TANC2: variants seen among roughly 807,000 people sequenced by gnomAD.
The protein encoded by TANC2 is protein TANC2.
TANC2 carries 26 observed loss-of-function variants against 210.5 expected under a neutral mutation model. The observed-to-expected ratio is 0.12, with a 90% CI of 0.09 to 0.17. TANC2 has a LOEUF of 0.17. TANC2 is among the 10% of genes least tolerant of loss of function. The pLI is 1.00. For synonymous variants in TANC2, 931 were observed against 967.1 expected (o/e 0.96, Z 0.69); for missense variants, 2,129 against 2,608.9 (o/e 0.82, Z 4.01).
intron 14 of TANC2, among the ~76,000 whole-genome samples, chr17:63,361,948 G>C (rs979207610): frequency 3.3e-5 from 5 of 152,234 alleles, no homozygotes; most frequent in Non-Finnish European, 7.3e-5. Context: ...CCTATGCACA[G>C]GCAGGTTGTC....
chr17:63,064,226 G>A (rs770234644), intron 2 of TANC2, among the ~76,000 whole-genome samples: 3 of 152,142 alleles, frequency 2.0e-5, no homozygotes, highest in Non-Finnish European at 4.4e-5. Flanking sequence ...AGGCTGAGGC[G>A]AAAGGATTGC....
chr17:62,998,920 A>G (rs2033244243), intron 1 of TANC2, among the ~76,000 whole-genome samples: 1 of 152,230 alleles, frequency 6.6e-6, no homozygotes, highest in Non-Finnish European at 1.5e-5. Context: ...ACACACATAG[A>G]GTCAAAGTAA....
intron 8 of TANC2, among the ~76,000 whole-genome samples, chr17:63,258,341 G>A (rs890200275): frequency 2.0e-5 from 3 of 152,062 alleles, no homozygotes; most frequent in Non-Finnish European, 4.4e-5. Context: ...GGTTAAATCT[G>A]CTTGGTGTTC....
In TANC2 at chr17:63,413,963, T is replaced by C. The variant is rs143995547; in HGVS notation, c.4020+329T>C. On this transcript the variant is annotated intron_variant, in intron 25 of 27. Coordinates refer to ENST00000689528, the Ensembl canonical transcript of TANC2. The stretch of plus-strand genomic sequence containing the variant: ...TCAAAGTAAAATTATGTAGTATAGC[T>C]ATTTCCAGTATGTTGATCCTAGCTT... 2.0e-5 allele frequency among the ~76,000 whole-genome samples: 3 copies of C among 152,338 alleles called. No homozygotes were observed. In the East Asian group the frequency reaches 5.8e-4, roughly 29 times the overall value.
At chr17:63,185,910 T>G (rs2040965611) in intron 5 of TANC2, among the ~76,000 whole-genome samples, 1 of 152,218 alleles carries the variant, frequency 6.6e-6, no homozygotes, top group African/African-American at 2.4e-5. Flanking sequence ...CTTAATGGTG[T>G]CTTTGGTGAA....
At position 63,412,007 on chromosome 17, in the gene TANC2, C is replaced by T. The variant is rs370683714; in HGVS notation, c.3775C>T (p.Leu1259=). ...TTGATCCGTGTCCTAGGTCCAGTTC[C>T]TGGTAGATCATGGGGCCATGATCGA... The change falls in exon 23 of 28, where the codon CTG becomes TTG. Residue 1259 remains leucine (L), a synonymous_variant. Transcript: ENST00000689528. This position sits in a 1 kb window ranked among gnomAD's most constrained non-coding sequence, Gnocchi z 4.2. 7.1e-5 allele frequency: 114 copies of T among 1,613,762 alleles called. No individual in the cohort carries two copies. The highest frequency in any genetic ancestry group is 8.9e-5 in the Non-Finnish European group (105 of 1,179,870).
intron 26 of TANC2, 66 bp downstream of exon 26, chr17:63,415,740 GC>G: frequency 6.4e-7 from 1 of 1,557,248 alleles, no homozygotes; most frequent in Non-Finnish European, 8.7e-7. Flanking sequence ...TCACTCACTA[GC>G]TTTTACCAGG....
At chr17:63,124,091 C>T (rs2038609083) in intron 4 of TANC2, among the ~76,000 whole-genome samples, 1 of 152,102 alleles carries the variant, frequency 6.6e-6, no homozygotes, top group Non-Finnish European at 1.5e-5. Context: ...CATGTTTACT[C>T]ATTTTGTCTT....
chr17:63,110,036 C>A (rs528280313), intron 4 of TANC2, among the ~76,000 whole-genome samples: 15 of 151,864 alleles, frequency 9.9e-5, no homozygotes, highest in African/African-American at 3.6e-4. Flanking sequence ...TCATCTTCTG[C>A]TCTAGTAACC....
intron 2 of TANC2, among the ~76,000 whole-genome samples, chr17:63,045,252 A>G (rs1320516000): frequency 6.6e-6 from 1 of 152,122 alleles, no homozygotes. Flanking sequence ...AGCCTAAAAT[A>G]TTTACTTTCT....
Position 63,412,778 on chromosome 17 carries a change from G to T in TANC2, c.3928+69G>T, listed in dbSNP as rs2048744373. On this transcript the variant is annotated intron_variant, in intron 24 of 27. Coordinates refer to ENST00000689528, the Ensembl canonical transcript of TANC2. The surrounding 1 kb of genome is among the most constrained non-coding windows in gnomAD (Gnocchi z 4.2). ...GGTCAGCTTTGCCTTCTCCTCTTTG[G>T]TTTAGCCTGCATGAGTTCCCTACAC... The T allele has an allele frequency of 6.6e-7, 1 of 1,521,114 alleles. No individual in the cohort carries two copies. The highest frequency in any genetic ancestry group is 8.8e-7 in the Non-Finnish European group (1 of 1,140,958). The allele number at this position is 1,521,114 out of a possible 1,614,324, so 94.2% of individuals were successfully genotyped here. A position where few individuals can be genotyped will look rare whatever the true frequency, so the allele number is the denominator to read the frequency against.
At chr17:63,006,824 G>T (rs751274131) in intron 1 of TANC2, among the ~76,000 whole-genome samples, 1 of 151,958 alleles carries the variant, frequency 6.6e-6, no homozygotes, top group African/African-American at 2.4e-5. Context: ...ATTGACAAAG[G>T]TGTGTTGGTC....
intron 18 of TANC2, 133 bp downstream of exon 18, chr17:63,396,061 AAGG>A (rs1349602802): frequency 4.9e-6 from 4 of 824,474 alleles, no homozygotes; most frequent in Non-Finnish European, 5.6e-6. Context: ...TCTGAATAAT[AAGG>A]AGATTAAACT....
intron 4 of TANC2, among the ~76,000 whole-genome samples, chr17:63,102,414 A>AT (rs200715516): frequency 0.014 from 2,050 of 144,610 alleles, 52 homozygotes; most frequent in African/African-American, 0.047. Context: ...TGATTGCAGG[A>AT]TTTTTTTTTT....
chr17:62,988,222 G>A (rs571087608), intron 1 of TANC2, among the ~76,000 whole-genome samples: 1 of 151,788 alleles, frequency 6.6e-6, no homozygotes, highest in Non-Finnish European at 1.5e-5. Flanking sequence ...CTGCCTCCTA[G>A]GTTCAAGCGA....
intron 14 of TANC2, among the ~76,000 whole-genome samples, chr17:63,371,669 A>G (rs1302392527): frequency 1.3e-5 from 2 of 152,220 alleles, no homozygotes; most frequent in Admixed American, 6.5e-5. Flanking sequence ...CTTTAAGACT[A>G]GCTATCTCCT....
At chr17:63,018,543 T>C (rs1422249604) in intron 2 of TANC2, among the ~76,000 whole-genome samples, 1 of 151,372 alleles carries the variant, frequency 6.6e-6, no homozygotes, top group Non-Finnish European at 1.5e-5. Flanking sequence ...AGGAATAATA[T>C]AGAGAGATCT....
At chr17:63,353,858 T>A (rs923465319) in intron 13 of TANC2, among the ~76,000 whole-genome samples, 1 of 152,074 alleles carries the variant, frequency 6.6e-6, no homozygotes, top group African/African-American at 2.4e-5. Context: ...AACTTTATTA[T>A]CGGATTTGGC....
chr17:63,288,674 C>T (rs2146401364), intron 9 of TANC2, among the ~76,000 whole-genome samples: 1 of 151,700 alleles, frequency 6.6e-6, no homozygotes. Flanking sequence ...GAGAATTTAC[C>T]CCTTTATCAT....
Sources: allele counts gnomAD v4.1 joint callset (sites outside exome capture counted in the v4.1 genomes callset), GRCh38; gene constraint gnomAD v4.1.1; non-coding constraint Gnocchi (gnomAD v3.1); transcripts MANE v1.5; gene names NCBI Gene and HGNC (gene_info 2026-07-23, HGNC 2026-07-21).